The following PKD2 variants were observed in gnomAD, a reference collection of about 807,000 sequenced individuals.
The protein encoded by PKD2 is polycystin 2, transient receptor potential cation channel, also known as polycystin-2.
Under a neutral mutation model 105.9 loss-of-function variants are expected in PKD2, and 48 were observed. That is an observed-to-expected ratio of 0.45 (90% CI 0.36 to 0.58). PKD2 has a LOEUF of 0.58. Among genes scored for constraint, PKD2 ranks in the 20% least tolerant of loss-of-function variants. The pLI is 0.00. For synonymous variants in PKD2, 464 were observed against 481.1 expected, an observed-to-expected ratio of 0.96 and a Z score of 0.46; for missense variants, 1,078 against 1,255.3, an observed-to-expected ratio of 0.86 and a Z score of 2.13.
intron 4 of PKD2, among the ~76,000 whole-genome samples, chr4:88,040,824 A>G (rs1055703267): frequency 6.6e-6 from 1 of 152,054 alleles, no homozygotes; most frequent in Admixed American, 6.5e-5. Context: ...TTCTATATTC[A>G]TATCTCCGTC....
At position 88,076,561 on chromosome 4, in the gene PKD2, A is replaced by T. The variant is rs1466006701; in HGVS notation, c.*867A>T. 1 of 152,222 alleles carries T rather than the reference A, an allele frequency of 6.6e-6. No individual in the cohort carries two copies. Among genetic ancestry groups the T allele is most frequent in the Non-Finnish European group, 1.5e-5 (1 of 68,028 alleles). The allele number at this position is 152,222 out of a possible 1,614,324, so 9.4% of individuals were successfully genotyped here. A position where few individuals can be genotyped will look rare whatever the true frequency, so the allele number is the denominator to read the frequency against. On this transcript the variant is annotated 3_prime_UTR_variant, in exon 15 of 15. Transcript: ENST00000237596. ...GCAACTGAATTTAATGTTATAACTC[A>T]TCTAGTGAGACCAACTTACTAAATT...
intron 13 of PKD2, among the ~76,000 whole-genome samples, chr4:88,070,076 C>T (rs1720955160): frequency 1.3e-5 from 2 of 152,090 alleles, no homozygotes; most frequent in Admixed American, 1.3e-4. Flanking sequence ...AAAGAATTTC[C>T]TTTAGTATTT....
rs1276848600 is a variant in PKD2, at chr4:88,007,684, A to G, written c.-50A>G. On this transcript the variant is annotated 5_prime_UTR_variant, in exon 1 of 15. Coordinates refer to ENST00000237596, the MANE Select transcript of PKD2 (RefSeq NM_000297.4). Reference sequence around the variant, plus strand: ...AAGGAACATGGCTCCTGAGGCGCACAGCGCCGAGCGCGGCGCCGCGCACCC... The same window carrying G: ...AAGGAACATGGCTCCTGAGGCGCACGGCGCCGAGCGCGGCGCCGCGCACCC... 11 of 1,109,982 alleles carry G rather than the reference A, an allele frequency of 9.9e-6. No individual in the cohort carries two copies. The highest frequency in any genetic ancestry group is 9.4e-5 in the South Asian group (3 of 32,012). The allele number at this position is 1,109,982 out of a possible 1,614,324, so 68.8% of individuals were successfully genotyped here.
chr4:88,040,282 T>C (rs1727509624), intron 4 of PKD2, among the ~76,000 whole-genome samples: 1 of 152,180 alleles, frequency 6.6e-6, no homozygotes, highest in Non-Finnish European at 1.5e-5. Context: ...TTAGGGTGGC[T>C]TGTCGACGCT....
At chr4:88,018,770 C>G (rs1726648087) in intron 1 of PKD2, among the ~76,000 whole-genome samples, 1 of 152,158 alleles carries the variant, frequency 6.6e-6, no homozygotes, top group Admixed American at 6.5e-5. Flanking sequence ...TCTACTCTTT[C>G]TACAAAGAAA....
intron 1 of PKD2, among the ~76,000 whole-genome samples, chr4:88,017,992 T>C (rs1269900939): frequency 6.6e-6 from 1 of 152,258 alleles, no homozygotes; most frequent in Non-Finnish European, 1.5e-5. Context: ...AATCTTTGGC[T>C]GCCTCTGTGT....
rs767951492 is a variant in PKD2, at chr4:88,074,792, G to A, written c.2523-20G>A. 2 of 1,613,796 alleles carry A rather than the reference G, an allele frequency of 1.2e-6. No individual in the cohort carries two copies. The highest frequency in any genetic ancestry group is 1.7e-5 in the Admixed American group (1 of 60,014). ...ACAATGACAAGCACTTTGTCCCTCTGTACTGTGTTTTCCTTGCAGCCTGGT... is the reference window on the plus strand; with the variant it reads ...ACAATGACAAGCACTTTGTCCCTCTATACTGTGTTTTCCTTGCAGCCTGGT... On this transcript the variant is annotated intron_variant, in intron 13 of 14. Coordinates refer to ENST00000237596, the MANE Select transcript of PKD2 (RefSeq NM_000297.4).
intron 14 of PKD2, 45 bp downstream of exon 14, chr4:88,075,004 A>G (rs572867832): frequency 6.3e-7 from 1 of 1,594,794 alleles, no homozygotes; most frequent in East Asian, 2.2e-5. Context: ...GCATGGTGTT[A>G]TTAATGAAAA....
intron 7 of PKD2, among the ~76,000 whole-genome samples, chr4:88,055,140 G>A (rs1251006033): frequency 6.6e-6 from 1 of 152,168 alleles, no homozygotes; most frequent in Non-Finnish European, 1.5e-5. Context: ...TTGCAGTCAG[G>A]CAGAGCAGGC....
chr4:88,012,531 C>T (rs1726418148), intron 1 of PKD2, among the ~76,000 whole-genome samples: 1 of 152,040 alleles, frequency 6.6e-6, no homozygotes, highest in African/African-American at 2.4e-5. Flanking sequence ...GGAGAGCCTG[C>T]CTCTCTATTT....
At chr4:88,061,856 C>T (rs772293321) in intron 9 of PKD2, 50 bp from the exon 10 acceptor site, 2 of 905,088 alleles carry the variant, frequency 2.2e-6, no homozygotes, top group South Asian at 2.6e-5. Context: ...TTGATAATTC[C>T]AAATTATGTT....
intron 4 of PKD2, 145 bp downstream of exon 4, chr4:88,038,646 C>A: frequency 1.2e-6 from 1 of 821,862 alleles, no homozygotes; most frequent in Admixed American, 2.0e-5. Context: ...TAAACCTTGG[C>A]CAACTTGACC....
At chr4:88,056,062 A>G (rs764580407) in intron 7 of PKD2, 24 bp from the exon 8 acceptor site, 71 of 1,496,724 alleles carry the variant, frequency 4.7e-5, no homozygotes, top group East Asian at 3.8e-4. Flanking sequence ...CCATTCATCT[A>G]TTGATGTCTT....
intron 10 of PKD2, among the ~76,000 whole-genome samples, chr4:88,063,122 A>G (rs1720641957): frequency 6.6e-6 from 1 of 152,238 alleles, no homozygotes; most frequent in Non-Finnish European, 1.5e-5. Flanking sequence ...GTCAGTCATG[A>G]CACTATTTTC....
intron 13 of PKD2, among the ~76,000 whole-genome samples, chr4:88,070,614 A>AGG (rs1204032019): frequency 0.012 from 1,789 of 144,988 alleles, 22 homozygotes; most frequent in Non-Finnish European, 0.022. Flanking sequence ...AGAGAGAGAG[A>AGG]GAGAGAGAGA....
At chr4:88,074,043 A>G (rs570376724) in intron 13 of PKD2, among the ~76,000 whole-genome samples, 30 of 151,632 alleles carry the variant, frequency 2.0e-4, no homozygotes, top group African/African-American at 6.8e-4. Context: ...ATTTTATTAA[A>G]TAGTCTGCCA....
At chr4:88,048,878 G>A (rs965796813) in intron 6 of PKD2, among the ~76,000 whole-genome samples, 10 of 152,212 alleles carry the variant, frequency 6.6e-5, no homozygotes, top group Non-Finnish European at 1.0e-4. Context: ...GAATATTTCT[G>A]TTCGGATTGA....
intron 13 of PKD2, among the ~76,000 whole-genome samples, chr4:88,072,514 C>G (rs1269738231): frequency 6.6e-6 from 1 of 152,182 alleles, no homozygotes; most frequent in African/African-American, 2.4e-5. Flanking sequence ...CTGTGTCTCC[C>G]CATGAGCAAA....
intron 4 of PKD2, among the ~76,000 whole-genome samples, 170 bp from the exon 5 acceptor site, chr4:88,043,063 T>C (rs1727631277): frequency 6.6e-6 from 1 of 152,172 alleles, no homozygotes; most frequent in Admixed American, 6.5e-5. Flanking sequence ...AAGAGGCTAA[T>C]AACAGTATGA....
Sources: gnomAD v4.1 joint callset for allele counts (sites outside exome capture counted in the v4.1 genomes callset) on GRCh38, gnomAD v4.1.1 for gene constraint, MANE v1.5 for transcripts, NCBI Gene and HGNC (gene_info 2026-07-23, HGNC 2026-07-21) for gene names.